The following CACHD1 variants were observed in gnomAD, a reference collection of about 807,000 sequenced individuals.
CACHD1 encodes the protein VWFA and cache domain-containing protein 1.
CACHD1 carries 71 observed loss-of-function variants against 138.7 expected under a neutral mutation model. The ratio of observed to expected loss-of-function variants is 0.51; its 90% CI spans 0.42 to 0.62. The LOEUF (loss-of-function observed/expected upper bound fraction) is 0.62. CACHD1 is among the 20% of genes least tolerant of loss of function. CACHD1 has a pLI of 0.00. For synonymous variants in CACHD1, 578 were observed against 591.5 expected (o/e 0.98, Z 0.33); for missense variants, 1,389 against 1,625.3 (o/e 0.85, Z 2.50).
At chr1:64,474,379 G>A (rs1468308576) in intron 1 of CACHD1, among the ~76,000 whole-genome samples, 1 of 152,174 alleles carries the variant, frequency 6.6e-6, no homozygotes, top group Non-Finnish European at 1.5e-5. Context: ...TAGAGACCTG[G>A]ATTCCAGCTC....
rs61673130 is a variant in CACHD1 at position 64,652,261 on chromosome 1, GTAT to G, written c.1494_1496del (p.Tyr499del). The G allele has an allele frequency of 4.3e-6, 7 of 1,613,572 alleles. No homozygotes were observed. In the East Asian group the frequency reaches 1.6e-4, roughly 36 times the overall value. ...TGGCTTACATTCTTGAAGACGTGAC[GTAT>G]TACCAAGACTCTTTGGCTTCCTATA... On this transcript the variant is annotated inframe_deletion, in exon 10 of 27. Coordinates refer to ENST00000651257, the MANE Select transcript of CACHD1 (RefSeq NM_020925.4).
chr1:64,534,400 G>C (rs1646615657), intron 1 of CACHD1, among the ~76,000 whole-genome samples: 1 of 152,122 alleles, frequency 6.6e-6, no homozygotes, highest in Admixed American at 6.6e-5. Flanking sequence ...ATCTCATTAG[G>C]AGAGAAGATC....
chr1:64,543,133 A>C (rs905318920), intron 1 of CACHD1, among the ~76,000 whole-genome samples: 3 of 151,936 alleles, frequency 2.0e-5, no homozygotes, highest in African/African-American at 7.3e-5. Flanking sequence ...AGAGTCTTTT[A>C]ATTGGTTTCC....
At chr1:64,685,267 T>A (rs976226401) in intron 26 of CACHD1, among the ~76,000 whole-genome samples, 4 of 152,234 alleles carry the variant, frequency 2.6e-5, no homozygotes, top group African/African-American at 9.6e-5. Context: ...CACAGGTTTG[T>A]AGCCTAGAAG....
rs536968001 is a variant in CACHD1, at chr1:64,470,562, C to G, written c.-183C>G. Among the ~76,000 whole-genome samples the G allele has an allele frequency of 6.6e-6, 1 of 151,812 alleles. No homozygotes were observed. Among genetic ancestry groups the G allele is most frequent in the Non-Finnish European group, 1.5e-5 (1 of 67,930 alleles). ...GCGGAGCCCCGCGATGGTGGCCGCC[C>G]GCGCTCCCGCGCTGTAGCCGGGCGC... On this transcript the variant is annotated 5_prime_UTR_variant, in exon 1 of 27. Transcript: ENST00000651257. This position sits in a 1 kb window ranked among gnomAD's most constrained non-coding sequence, Gnocchi z 5.2.
intron 1 of CACHD1, among the ~76,000 whole-genome samples, chr1:64,540,996 G>A (rs1441053030): frequency 6.6e-6 from 1 of 152,222 alleles, no homozygotes; most frequent in African/African-American, 2.4e-5. Flanking sequence ...GTGTGTGTGT[G>A]TGCACGCCCG....
chr1:64,515,042 T>G, intron 1 of CACHD1, among the ~76,000 whole-genome samples: 1 of 152,166 alleles, frequency 6.6e-6, no homozygotes, highest in East Asian at 1.9e-4. Context: ...TCCATGTGAT[T>G]TTGGTCATAC....
chr1:64,673,311 C>CATGG, intron 18 of CACHD1, 37 bp from the exon 19 acceptor site: 1 of 1,612,060 alleles, frequency 6.2e-7, no homozygotes, highest in Non-Finnish European at 8.5e-7. Context: ...CAGCTCACTA[C>CATGG]ATGGCATATG....
In CACHD1 at chr1:64,641,963, A is replaced by G. The variant is rs756562950; in HGVS notation, c.1150A>G (p.Met384Val). ...NSVMILTYAL[M>V]NDGVTGLKEL... ...TGTAATGATTCTCACCTATGCCCTC[A>G]TGAACGGTAGGTAGAGTTTCAAGAT... is the stretch of plus-strand genomic sequence containing the variant. Residue 384 changes from methionine to valine, a missense_variant, in exon 8 of 27, where the codon ATG becomes GTG. Around this residue, in one of 5 missense-constraint regions of CACHD1, gnomAD observed 1,000 missense variants for 1,114.7 expected, o/e 0.90. Transcript: ENST00000651257. 5 of 1,569,576 alleles carry G rather than the reference A, an allele frequency of 3.2e-6. No homozygotes were observed. Among genetic ancestry groups the G allele is most frequent in the East Asian group, 2.3e-5 (1 of 42,742 alleles).
intron 5 of CACHD1, among the ~76,000 whole-genome samples, chr1:64,630,624 C>T (rs1238981178): frequency 3.3e-5 from 5 of 152,108 alleles, no homozygotes; most frequent in African/African-American, 1.2e-4. Flanking sequence ...TTCTTCCTTT[C>T]CCTCCCCACA....
chr1:64,508,520 A>G lies in CACHD1; in HGVS notation c.198+37578A>G, dbSNP rs143186149. ...TATCTGTCTAAACCTCAATTTCCGC[A>G]TGCGTAAAATGGGGATAATCATGCC... On this transcript the variant is annotated intron_variant, in intron 1 of 26. Coordinates refer to ENST00000651257, the MANE Select transcript of CACHD1 (RefSeq NM_020925.4). Among the ~76,000 whole-genome samples, 849 of 152,272 alleles carry G rather than the reference A, an allele frequency of 5.6e-3. 13 individuals carry two copies. Among genetic ancestry groups the G allele is most frequent in the African/African-American group, 0.02 (820 of 41,546 alleles).
chr1:64,680,654 C>T (rs1242167796), intron 24 of CACHD1, among the ~76,000 whole-genome samples: 1 of 152,140 alleles, frequency 6.6e-6, no homozygotes, highest in African/African-American at 2.4e-5. Context: ...ACCCCAGTCC[C>T]CGGGGATGTG....
intron 4 of CACHD1, among the ~76,000 whole-genome samples, chr1:64,615,908 A>G (rs1480739848): frequency 6.6e-6 from 1 of 152,152 alleles, no homozygotes; most frequent in Non-Finnish European, 1.5e-5. Flanking sequence ...TTATACTTTC[A>G]TTTTATTCTT....
intron 2 of CACHD1, among the ~76,000 whole-genome samples, chr1:64,569,724 T>C (rs1180126025): frequency 2.0e-5 from 3 of 151,552 alleles, no homozygotes. Flanking sequence ...GCGATCTATG[T>C]ATGTGCAGAT....
At position 64,691,489 on chromosome 1, in the gene CACHD1, C is replaced by A. The variant is rs1479402900; in HGVS notation, c.3753C>A (p.His1251Gln). The A allele has an allele frequency of 6.2e-7, 1 of 1,614,120 alleles. No homozygotes were observed. Among genetic ancestry groups the A allele is most frequent in the South Asian group, 1.1e-5 (1 of 91,078 alleles). Residue 1251 changes from histidine (H) to glutamine (Q), a missense_variant, in exon 27 of 27, where the codon CAC (histidine) becomes CAA (glutamine). Transcript: ENST00000651257. ...ACAAGTTCCACCACTACCGGTCACA[C>A]CACCCTACACTTCATCATAGCCACC... ...LSHKFHHYRS[H>Q]HPTLHHSHHL... is the part of the protein sequence containing the mutation.
Position 64,654,720 on chromosome 1 carries a change from G to A in CACHD1, c.1699G>A (p.Val567Met), listed in dbSNP as rs556698065. 2 of 1,613,906 alleles carry A rather than the reference G, an allele frequency of 1.2e-6. No individual in the cohort carries two copies. Among genetic ancestry groups the A allele is most frequent in the Non-Finnish European group, 1.7e-6 (2 of 1,179,852 alleles). ...PLGSQIIAVP[V>M]NSSLSWHINK... ...GGGCAGCCAGATTATCGCAGTCCCT[G>A]TGAACTCATCCCTGTCTTGGCACAT... The change falls in exon 12 of 27, where the codon GTG becomes ATG. Residue 567 changes from valine (V) to methionine (M), a missense_variant. Val to Met is a conservative substitution (Grantham distance 21). Coordinates refer to ENST00000651257, the MANE Select transcript of CACHD1 (RefSeq NM_020925.4).
Position 64,654,735 on chromosome 1 carries a change from T to C in CACHD1, c.1714T>C (p.Ser572Pro). 6.2e-7 allele frequency: 1 copy of C among 1,613,986 alleles called. No homozygotes were observed. The highest frequency in any genetic ancestry group is 1.1e-5 in the South Asian group (1 of 91,078). Residue 572 changes from serine to proline, a missense_variant, in exon 12 of 27, where the codon TCT becomes CCT. Physicochemically the swap from Ser to Pro is moderately conservative, Grantham distance 74. Coordinates refer to ENST00000651257, the MANE Select transcript of CACHD1 (RefSeq NM_020925.4). ...IIAVPVNSSL[S>P]WHINKLRETG... Reference sequence around the variant, plus strand: ...CGCAGTCCCTGTGAACTCATCCCTGTCTTGGCACATAAACAAGCTGAGAGA... The same window carrying C: ...CGCAGTCCCTGTGAACTCATCCCTGCCTTGGCACATAAACAAGCTGAGAGA...
chr1:64,588,845 G>A (rs1474103921), intron 3 of CACHD1, among the ~76,000 whole-genome samples: 2 of 152,132 alleles, frequency 1.3e-5, no homozygotes, highest in African/African-American at 4.8e-5. Context: ...AGGAAATACT[G>A]GAAAGATGAA....
intron 1 of CACHD1, among the ~76,000 whole-genome samples, chr1:64,531,912 T>C (rs962621754): frequency 6.6e-6 from 1 of 152,198 alleles, no homozygotes; most frequent in Non-Finnish European, 1.5e-5. Flanking sequence ...CTACACCGTA[T>C]ATTAAAATAT....
Sources: gnomAD v4.1 joint callset for allele counts (sites outside exome capture counted in the v4.1 genomes callset) on GRCh38, gnomAD v4.1.1 for gene constraint, gnomAD v4.1.1 regional missense constraint, Gnocchi (gnomAD v3.1) non-coding constraint, MANE v1.5 for transcripts, NCBI Gene and HGNC (gene_info 2026-07-23, HGNC 2026-07-21) for gene names.